ZAN: variants seen among roughly 807,000 people sequenced by gnomAD.
ZAN encodes the protein zonadhesin, also known as zonadhesin (gene/pseudogene).
In ZAN, 260 loss-of-function variants were observed where a neutral mutation model predicts 286.2. The ratio of observed to expected loss-of-function variants is 0.91; its 90% CI spans 0.82 to 1.01. ZAN has a LOEUF of 1.01. ZAN is among the 50% of genes least tolerant of loss of function. ZAN has a pLI of 0.00. For synonymous variants in ZAN, 1,368 were observed against 1,417.5 expected, an observed-to-expected ratio of 0.97 and a Z score of 0.79; for missense variants, 3,410 against 3,639.2, an observed-to-expected ratio of 0.94 and a Z score of 1.62.
chr7:100,746,428 T>G, intron 7 of ZAN, 110 bp from the exon 8 acceptor site: 2 of 1,360,822 alleles, frequency 1.5e-6, no homozygotes, highest in Non-Finnish European at 2.0e-6. Flanking sequence ...GATTCTAGGC[T>G]GCTGTTGGGG....
intron 14 of ZAN, among the ~76,000 whole-genome samples, 154 bp from the exon 15 acceptor site, chr7:100,755,072 G>A (rs1363581168): frequency 1.3e-5 from 2 of 151,844 alleles, no homozygotes; most frequent in East Asian, 1.9e-4. Context: ...TTATAGGTGT[G>A]AGCCACCGCA....
rs540384497 is a variant in ZAN, at chr7:100,779,388, A to G, written c.6318-58A>G. 3.3e-6 allele frequency: 5 copies of G among 1,499,116 alleles called. No homozygotes were observed. The East Asian group carries it at 9.5e-5, about 28-fold the overall frequency. 92.9% of individuals were successfully genotyped at this position (1,499,116 alleles called of 1,614,324 possible). A position where few individuals can be genotyped will look rare whatever the true frequency, so the allele number is the denominator to read the frequency against. On this transcript the variant is annotated intron_variant, in intron 34 of 47. Coordinates refer to ENST00000613979, the MANE Select transcript of ZAN (RefSeq NM_003386.3). ...GCAAGACTCCCCCTAAAGAAAAAAA[A>G]ATTTTGTGTCATAGTAGGGGGACGG...
At chr7:100,786,552 G>A (rs1811579138) in intron 37 of ZAN, among the ~76,000 whole-genome samples, 1 of 152,172 alleles carries the variant, frequency 6.6e-6, no homozygotes, top group Admixed American at 6.5e-5. Context: ...GGGACTACAG[G>A]CATGGACCAC....
rs759693661 is a variant in ZAN at position 100,791,106 on chromosome 7, T to C, written c.7522T>C (p.Phe2508Leu). 6.2e-7 allele frequency: 1 copy of C among 1,611,230 alleles called. No individual in the cohort carries two copies. The highest frequency in any genetic ancestry group is 8.5e-7 in the Non-Finnish European group (1 of 1,179,364). ...GAAGACCGAGGACGCACTCCTGCGC[T>C]TCCCCAGGTGCACGGCCTGGAAGGG... ...EVKTEDALLR[F>L]PRAIPAEEEG... Residue 2508 changes from phenylalanine to leucine, a missense_variant, in exon 40 of 48, where the codon TTC becomes CTC. Transcript: ENST00000613979.
Position 100,744,784 on chromosome 7 carries a change from C to A in ZAN, c.767-1754C>A, listed in dbSNP as rs1808067850. On this transcript the variant is annotated intron_variant, in intron 7 of 47. Transcript: ENST00000613979. ...TTTCCTTTCTTTCCCTTTCCTTTTC[C>A]ATCTTGCTCGCTTCCTTATATTTTC... Among the ~76,000 whole-genome samples the A allele has an allele frequency of 2.0e-5, 3 of 150,838 alleles. No homozygotes were observed. The Admixed American group carries it at 2.0e-4, about 10-fold the overall frequency.
chr7:100,768,601 C>T lies in ZAN; in HGVS notation c.5042-9C>T. ...CCTTCTTGCCTGTTTTAATGACTCC[C>T]TCCTCTAGGGAACTACAACAACAAC... On this transcript the variant is annotated splice_polypyrimidine_tract_variant and intron_variant, in intron 26 of 47. Transcript: ENST00000613979. 1.3e-6 allele frequency: 2 copies of T among 1,594,702 alleles called. No individual in the cohort carries two copies. Among genetic ancestry groups the T allele is most frequent in the Non-Finnish European group, 1.7e-6 (2 of 1,169,832 alleles).
Position 100,779,559 on chromosome 7 carries a change from C to T in ZAN, c.6431C>T (p.Ala2144Val), listed in dbSNP as rs202133671. Residue 2144 changes from alanine (A) to valine (V), a missense_variant, in exon 35 of 48, where the codon GCG becomes GTG. Physicochemically the swap from Ala to Val is moderately conservative, Grantham distance 64. Around this residue, in one of 7 missense-constraint regions of ZAN, gnomAD observed 1,289 missense variants for 1,314.3 expected, o/e 0.98. Transcript: ENST00000613979. ...LRRAREKCEA[A>V]LRAPVWAQCA... is the part of the protein sequence containing the mutation. Reference sequence around the variant, plus strand: ...AGGGCGCGGGAAAAGTGCGAGGCAGCGCTCCGGGCTCCTGTGTGGGCCCAG... The same window carrying T: ...AGGGCGCGGGAAAAGTGCGAGGCAGTGCTCCGGGCTCCTGTGTGGGCCCAG... 6.3e-3 allele frequency: 10,180 copies of T among 1,610,852 alleles called. 53 individuals are homozygous for T. The highest frequency in any genetic ancestry group is 8.0e-3 in the Non-Finnish European group (9,421 of 1,178,680).
chr7:100,778,759 G>A (rs928465964), intron 34 of ZAN, among the ~76,000 whole-genome samples: 1 of 152,108 alleles, frequency 6.6e-6, no homozygotes, highest in Admixed American at 6.6e-5. Context: ...AGGGCCAGGC[G>A]TGGTGGCTCA....
chr7:100,766,434 C>CAGCTCTGGTG (rs1381658093), intron 23 of ZAN, 91 bp from the exon 24 acceptor site: 6 of 1,430,614 alleles, frequency 4.2e-6, no homozygotes, highest in African/African-American at 1.4e-5. Context: ...GTGATCTGAA[C>CAGCTCTGGTG]AGCTCTGGTG....
In ZAN at chr7:100,769,960, TAATA is replaced by T; in HGVS notation, c.5237_5240del (p.Ile1746ThrfsTer64). The T allele has an allele frequency of 6.4e-7, 1 of 1,564,084 alleles. No homozygotes were observed. The highest frequency in any genetic ancestry group is 8.7e-7 in the Non-Finnish European group (1 of 1,153,722). On this transcript the variant is annotated frameshift_variant, in exon 28 of 48. Transcript: ENST00000613979. LOFTEE classifies it high-confidence loss of function. ...GCCTGGAACAAGAACTGTGCGATCT[TAATA>T]AACCCTCAGGGTAAGACATGTCCCT... is the stretch of plus-strand genomic sequence containing the variant.
At chr7:100,775,994 C>T (rs544999302) in intron 33 of ZAN, among the ~76,000 whole-genome samples, 161 bp downstream of exon 33, 2 of 151,892 alleles carry the variant, frequency 1.3e-5, no homozygotes, top group South Asian at 2.1e-4. Context: ...GTAGGGTGGA[C>T]AAGAGTGTTT....
chr7:100,760,347 G>T, intron 18 of ZAN, 44 bp from the exon 19 acceptor site: 1 of 1,601,762 alleles, frequency 6.2e-7, no homozygotes, highest in Non-Finnish European at 8.5e-7. Flanking sequence ...GGTCCTCCTT[G>T]ACCCCCAGCT....
intron 6 of ZAN, 72 bp from the exon 7 acceptor site, chr7:100,738,389 G>A (rs1471637890): frequency 1.5e-6 from 2 of 1,333,530 alleles, no homozygotes; most frequent in Non-Finnish European, 2.1e-6. Context: ...CTGTACTCTA[G>A]CCTGGGTGAC....
At chr7:100,760,609 G>A (rs1280143363) in intron 19 of ZAN, 73 bp downstream of exon 19, 23 of 1,553,170 alleles carry the variant, frequency 1.5e-5, no homozygotes, top group Non-Finnish European at 1.9e-5. Context: ...TCTTCCTGCT[G>A]CCCACCCTGC....
rs1812019424 is a variant in ZAN, at chr7:100,792,154, T to C, written c.7712+6T>C. The C allele has an allele frequency of 6.2e-7, 1 of 1,601,060 alleles. No homozygotes were observed. Reference sequence around the variant, plus strand: ...GCCCCAGAGCCCTTCCAAGAGTGAGTCATGGGCCCAGGACTTGTGGGAATG... The same window carrying C: ...GCCCCAGAGCCCTTCCAAGAGTGAGCCATGGGCCCAGGACTTGTGGGAATG... On this transcript the variant is annotated splice_donor_region_variant and intron_variant, in intron 41 of 47. Coordinates refer to ENST00000613979, the MANE Select transcript of ZAN (RefSeq NM_003386.3).
At position 100,793,849 on chromosome 7, in the gene ZAN, C is replaced by T; in HGVS notation, c.7817C>T (p.Ser2606Leu). 3 of 1,610,770 alleles carry T rather than the reference C, an allele frequency of 1.9e-6. No individual in the cohort carries two copies. Among genetic ancestry groups the T allele is most frequent in the Non-Finnish European group, 1.7e-6 (2 of 1,177,948 alleles). The stretch of plus-strand genomic sequence containing the variant: ...GGAGTGTCCAGCAGGTACCATATAT[C>T]AGAGCTGTATGACACCCTGCCCAGC... ...GHGVSSRYHISELYDTLPSIL... is the reference protein window; with the variant it reads ...GHGVSSRYHILELYDTLPSIL... Residue 2606 changes from serine (S) to leucine (L), a missense_variant, in exon 43 of 48, where the codon TCA (serine) becomes TTA (leucine). Physicochemically the swap from Ser to Leu is moderately radical, Grantham distance 145. Coordinates refer to ENST00000613979, the MANE Select transcript of ZAN (RefSeq NM_003386.3).
chr7:100,760,490 C>T lies in ZAN; in HGVS notation c.3796C>T (p.Arg1266Trp), dbSNP rs373091075. ...FVELQTEFGL[R>W]VRWDGDQQLY... is the part of the protein sequence containing the mutation. ...GGAGCTGCAGACGGAGTTCGGTTTG[C>T]GGGTGAGATGGGATGGTGACCAGCA... Residue 1266 changes from arginine to tryptophan, a missense_variant, in exon 19 of 48, where the codon CGG becomes TGG. Around this residue, in one of 7 missense-constraint regions of ZAN, gnomAD observed 1,042 missense variants for 1,058.0 expected, o/e 0.98. Transcript: ENST00000613979. The T allele has an allele frequency of 1.4e-5, 22 of 1,613,802 alleles. No homozygotes were observed. Among genetic ancestry groups the T allele is most frequent in the East Asian group, 4.5e-5 (2 of 44,886 alleles).
chr7:100,792,261 C>G, intron 41 of ZAN, 113 bp downstream of exon 41: 1 of 1,496,574 alleles, frequency 6.7e-7, no homozygotes, highest in Non-Finnish European at 8.9e-7. Context: ...CTCCTCCGTT[C>G]TCCCTGTGGC....
At position 100,748,456 on chromosome 7, in the gene ZAN, G is replaced by T. The variant is rs1808388809; in HGVS notation, c.1235G>T (p.Gly412Val). 4.3e-6 allele frequency: 7 copies of T among 1,612,346 alleles called. No individual in the cohort carries two copies. In the Admixed American group the frequency reaches 5.0e-5, roughly 12 times the overall value. ...GPVHGMGPAG[G>V]FPNAGGHYIY... ...GTCCATGGCATGGGCCCTGCGGGAG[G>T]TTTCCCTAATGCAGGTGAGGAGATT... The change falls in exon 11 of 48, where the codon GGT (glycine) becomes GTT (valine). Residue 412 changes from glycine (G) to valine (V), a missense_variant. Physicochemically the swap from Gly to Val is moderately radical, Grantham distance 109. Transcript: ENST00000613979.
Sources: allele counts gnomAD v4.1 joint callset (sites outside exome capture counted in the v4.1 genomes callset), GRCh38; gene constraint gnomAD v4.1.1; regional missense constraint gnomAD v4.1.1; transcripts MANE v1.5; gene names NCBI Gene and HGNC (gene_info 2026-07-23, HGNC 2026-07-21).